KCNT2: variants seen among roughly 807,000 people sequenced by gnomAD.
KCNT2 encodes the protein potassium channel subfamily T member 2.
In KCNT2, 67 loss-of-function variants were observed where a neutral mutation model predicts 153.8. The observed-to-expected ratio is 0.44, with a 90% CI of 0.36 to 0.53. The LOEUF (loss-of-function observed/expected upper bound fraction) is 0.53, where lower values mean the gene tolerates loss of function less well. Among genes scored for constraint, KCNT2 ranks in the 20% least tolerant of loss-of-function variants. KCNT2 has a pLI of 0.00. For synonymous variants in KCNT2, 500 were observed against 458.8 expected, an observed-to-expected ratio of 1.09 and a Z score of -1.15; for missense variants, 975 against 1,354.8, an observed-to-expected ratio of 0.72 and a Z score of 4.40.
rs74133643 is a variant in KCNT2, at chr1:196,258,169, A to G, written c.3211+25T>C. 1.1e-3 allele frequency: 1,754 copies of G among 1,609,748 alleles called. 17 individuals are homozygous for G. In the African/African-American group the frequency reaches 0.02, roughly 19 times the overall value. Reference sequence around the variant, plus strand: ...ATGGCAAGAAATCACGAGTCCATATATACAGTAGTTTTTAAAGAGCATACC... The same window carrying G: ...ATGGCAAGAAATCACGAGTCCATATGTACAGTAGTTTTTAAAGAGCATACC... On this transcript the variant is annotated intron_variant, in intron 26 of 27. Coordinates refer to ENST00000294725, the MANE Select transcript of KCNT2 (RefSeq NM_198503.5).
At chr1:196,524,196 C>A (rs1653870890) in intron 1 of KCNT2, among the ~76,000 whole-genome samples, 1 of 152,158 alleles carries the variant, frequency 6.6e-6, no homozygotes, top group Non-Finnish European at 1.5e-5. Flanking sequence ...TGACCCCATT[C>A]ATTTGGAGTC....
intron 12 of KCNT2, among the ~76,000 whole-genome samples, chr1:196,421,686 A>G (rs1026039761): frequency 6.6e-6 from 1 of 152,050 alleles, no homozygotes; most frequent in East Asian, 1.9e-4. Flanking sequence ...TTTTTGGTCT[A>G]CACTCTTCTG....
chr1:196,500,021 G>C (rs1010396074), intron 1 of KCNT2, among the ~76,000 whole-genome samples: 1 of 151,866 alleles, frequency 6.6e-6, no homozygotes, highest in African/African-American at 2.4e-5. Context: ...GTGCATGCCT[G>C]TAATCCCAGC....
intron 1 of KCNT2, among the ~76,000 whole-genome samples, chr1:196,532,303 G>A (rs575625706): frequency 4.2e-4 from 64 of 152,050 alleles, no homozygotes; most frequent in African/African-American, 1.3e-3. Flanking sequence ...GAAAAAGTAG[G>A]TGATATTTAC....
chr1:196,300,777 A>T (rs182534250), intron 22 of KCNT2, among the ~76,000 whole-genome samples: 1 of 152,200 alleles, frequency 6.6e-6, no homozygotes, highest in Admixed American at 6.5e-5. Flanking sequence ...TTCTCTTGTT[A>T]ATCTGTCTTT....
rs147299976 is a variant in KCNT2, at chr1:196,565,375, T to G, written c.95+42840A>C. Among the ~76,000 whole-genome samples the G allele has an allele frequency of 4.9e-3, 738 of 151,642 alleles. 3 individuals carry two copies. The highest frequency in any genetic ancestry group is 0.016 in the African/African-American group (671 of 41,492). On this transcript the variant is annotated intron_variant, in intron 1 of 27. Coordinates refer to ENST00000294725, the MANE Select transcript of KCNT2 (RefSeq NM_198503.5). ...AATTAGTAGAGCCATTATGGAAAAC[T>G]ATCTAGAGATACTTCAAAAAAATAA... is the stretch of plus-strand genomic sequence containing the variant.
At chr1:196,474,439 C>A (rs571991770) in intron 5 of KCNT2, among the ~76,000 whole-genome samples, 2 of 151,980 alleles carry the variant, frequency 1.3e-5, no homozygotes, top group African/African-American at 2.4e-5. Flanking sequence ...ACATATAAAC[C>A]CAACAATATT....
At chr1:196,447,590 A>G (rs1345816734) in intron 8 of KCNT2, among the ~76,000 whole-genome samples, 1 of 151,588 alleles carries the variant, frequency 6.6e-6, no homozygotes, top group Non-Finnish European at 1.5e-5. Flanking sequence ...TAAAAGGAGT[A>G]GTGACAGTGC....
intron 12 of KCNT2, among the ~76,000 whole-genome samples, chr1:196,399,519 A>G (rs1238810817): frequency 1.3e-5 from 2 of 151,786 alleles, no homozygotes; most frequent in African/African-American, 4.8e-5. Flanking sequence ...ACCATATTAG[A>G]AAGTGGAGGT....
chr1:196,415,935 C>T (rs1672718922), intron 12 of KCNT2, among the ~76,000 whole-genome samples: 1 of 151,878 alleles, frequency 6.6e-6, no homozygotes, highest in African/African-American at 2.4e-5. Flanking sequence ...CACAGTTTTG[C>T]CTTCCCACAG....
At chr1:196,287,867 T>C (rs1659816263) in intron 22 of KCNT2, among the ~76,000 whole-genome samples, 1 of 152,114 alleles carries the variant, frequency 6.6e-6, no homozygotes, top group African/African-American at 2.4e-5. Flanking sequence ...ATATTTTCCT[T>C]GTCTGCAAGA....
chr1:196,419,274 C>T (rs2148508894), intron 12 of KCNT2, among the ~76,000 whole-genome samples: 1 of 148,278 alleles, frequency 6.7e-6, no homozygotes, highest in South Asian at 2.2e-4. Flanking sequence ...GTGCTGCACC[C>T]ATTAACTCAT....
At chr1:196,553,597 T>C (rs1338394629) in intron 1 of KCNT2, among the ~76,000 whole-genome samples, 2 of 151,068 alleles carry the variant, frequency 1.3e-5, no homozygotes, top group African/African-American at 4.8e-5. Flanking sequence ...AGAAAATCAA[T>C]AAAGAAACAT....
At chr1:196,353,424 C>T (rs914262973) in intron 14 of KCNT2, among the ~76,000 whole-genome samples, 1 of 151,792 alleles carries the variant, frequency 6.6e-6, no homozygotes, top group Non-Finnish European at 1.5e-5. Context: ...TCATTTTTGT[C>T]CTCAGTTTTG....
intron 1 of KCNT2, among the ~76,000 whole-genome samples, chr1:196,598,306 TACTA>T (rs781385252): frequency 5.9e-5 from 9 of 152,192 alleles, no homozygotes; most frequent in Non-Finnish European, 1.0e-4. Flanking sequence ...GTTTCTGGGA[TACTA>T]ACTACCTTTA....
At chr1:196,485,630 A>T (rs1679360497) in intron 3 of KCNT2, among the ~76,000 whole-genome samples, 1 of 151,918 alleles carries the variant, frequency 6.6e-6, no homozygotes, top group Non-Finnish European at 1.5e-5. Flanking sequence ...AATAGGCTTC[A>T]GAATCCATAA....
chr1:196,438,214 A>T (rs1674899096), intron 8 of KCNT2, among the ~76,000 whole-genome samples: 1 of 151,790 alleles, frequency 6.6e-6, no homozygotes, highest in South Asian at 2.1e-4. Context: ...ATAAAAATGA[A>T]TCAAATATAT....
intron 1 of KCNT2, among the ~76,000 whole-genome samples, chr1:196,550,902 C>T (rs1657809393): frequency 6.6e-6 from 1 of 151,802 alleles, no homozygotes; most frequent in Non-Finnish European, 1.5e-5. Context: ...TGGGAGATTA[C>T]ATTCCTGAAA....
At chr1:196,600,309 G>A (rs537298308) in intron 1 of KCNT2, among the ~76,000 whole-genome samples, 4 of 152,334 alleles carry the variant, frequency 2.6e-5, no homozygotes, top group East Asian at 3.9e-4. Context: ...CGCCAATACC[G>A]AATTTTCTGG....
Sources: gnomAD v4.1 joint callset for allele counts (sites outside exome capture counted in the v4.1 genomes callset) on GRCh38, gnomAD v4.1.1 for gene constraint, MANE v1.5 for transcripts, NCBI Gene and HGNC (gene_info 2026-07-23, HGNC 2026-07-21) for gene names.